The following OPTN variants were observed in gnomAD, a reference collection of about 807,000 sequenced individuals.
OPTN encodes the protein E3-14.7K-interacting protein.
OPTN carries 54 observed loss-of-function variants against 70.4 expected under a neutral mutation model. The ratio of observed to expected loss-of-function variants is 0.77; its 90% CI spans 0.62 to 0.96. The LOEUF is 0.96. Among genes scored for constraint, OPTN ranks in the 40% least tolerant of loss-of-function variants. The probability of loss-of-function intolerance (pLI) is 0.00; values close to 1 mark genes in which losing one functional copy is unlikely to be tolerated. For missense variants in OPTN, 624 were observed against 673.2 expected (o/e 0.93, Z 0.81); for synonymous variants, 256 against 248.5 (o/e 1.03, Z -0.28).
chr10:13,133,224 C>T (rs1337851623), intron 13 of OPTN, among the ~76,000 whole-genome samples: 1 of 152,108 alleles, frequency 6.6e-6, no homozygotes, highest in African/African-American at 2.4e-5. Flanking sequence ...TATTATACTT[C>T]ATTGCTGTAT....
intron 2 of OPTN, 156 bp from the exon 3 acceptor site, chr10:13,108,956 T>C: frequency 1.3e-6 from 1 of 749,294 alleles, no homozygotes; most frequent in Non-Finnish European, 2.4e-6. Context: ...CTTTTTTGTT[T>C]AAAAGGAAGA....
chr10:13,114,224 T>G (rs1833072627), intron 5 of OPTN, among the ~76,000 whole-genome samples: 1 of 152,168 alleles, frequency 6.6e-6, no homozygotes, highest in African/African-American at 2.4e-5. Flanking sequence ...GCTTTCTGAT[T>G]TATTTGCTGC....
At chr10:13,123,041 TC>T (rs1833385714) in intron 8 of OPTN, 1 of 161,896 alleles carries the variant, frequency 6.2e-6, no homozygotes, top group Non-Finnish European at 1.4e-5. Context: ...TGATTTCTTC[TC>T]CTCGGTCCTT....
In OPTN at chr10:13,112,497, G is replaced by T. The variant is rs1427120485; in HGVS notation, c.414G>T (p.Gln138His). The T allele has an allele frequency of 6.2e-7, 1 of 1,614,084 alleles. No homozygotes were observed. Residue 138 changes from glutamine (Q) to histidine (H), a missense_variant, in exon 5 of 15, where the codon CAG (glutamine) becomes CAT (histidine). Transcript: ENST00000378747. The stretch of plus-strand genomic sequence containing the variant: ...GGCTTCCCAGGGCCGAAGCGGAGCA[G>T]GAAAAGGACCAGCTCAGGACCCAGG... ...DSRLPRAEAE[Q>H]EKDQLRTQVV...
intron 11 of OPTN, 101 bp downstream of exon 11, chr10:13,126,140 T>C (rs1427531031): frequency 2.6e-6 from 2 of 760,522 alleles, no homozygotes. Flanking sequence ...CTAAATCTGG[T>C]TTCAAAGGTT....
At chr10:13,104,868 G>A (rs1415502593) in intron 1 of OPTN, 1 of 332,842 alleles carries the variant, frequency 3.0e-6, no homozygotes, top group Non-Finnish European at 5.6e-6. Context: ...GCATGGGGGT[G>A]ACCAGGGGCC....
chr10:13,136,703 C>T, intron 14 of OPTN, 42 bp from the exon 15 acceptor site: 1 of 1,613,126 alleles, frequency 6.2e-7, no homozygotes, highest in Middle Eastern at 1.7e-4. Flanking sequence ...AACACAACTG[C>T]CTGCAAAATG....
At chr10:13,108,650 C>T (rs1369430243) in intron 2 of OPTN, among the ~76,000 whole-genome samples, 1 of 151,802 alleles carries the variant, frequency 6.6e-6, no homozygotes, top group Non-Finnish European at 1.5e-5. Flanking sequence ...GGGTTCACGC[C>T]ATTCTCCTGC....
At position 13,125,573 on chromosome 10, in the gene OPTN, T is replaced by C; in HGVS notation, c.1148+6T>C. 6.2e-7 allele frequency: 1 copy of C among 1,613,618 alleles called. No individual in the cohort carries two copies. Among genetic ancestry groups the C allele is most frequent in the South Asian group, 1.1e-5 (1 of 91,032 alleles). On this transcript the variant is annotated splice_donor_region_variant and intron_variant, in intron 10 of 14. Coordinates refer to ENST00000378747, the MANE Select transcript of OPTN (RefSeq NM_001008212.2). The stretch of plus-strand genomic sequence containing the variant: ...GCTAAAACAGAGGATGAAAAGTGAG[T>C]ATGTTGAGTCAGAAGGGCAGCGACG...
intron 7 of OPTN, among the ~76,000 whole-genome samples, chr10:13,121,240 A>G (rs1833341852): frequency 2.0e-5 from 3 of 152,146 alleles, no homozygotes; most frequent in Non-Finnish European, 2.9e-5. Flanking sequence ...ATTGCACTCG[A>G]GAGATAGTGC....
intron 4 of OPTN, 39 bp downstream of exon 4, chr10:13,110,515 T>C (rs79529484): frequency 1.3e-6 from 2 of 1,578,398 alleles, no homozygotes; most frequent in Non-Finnish European, 1.7e-6. Flanking sequence ...TTTTTTTTTT[T>C]TCCCTTGACA....
chr10:13,125,493 C>A lies in OPTN; in HGVS notation c.1074C>A (p.Asn358Lys). 1.2e-6 allele frequency: 2 copies of A among 1,613,958 alleles called. No homozygotes were observed. The highest frequency in any genetic ancestry group is 1.7e-6 in the Non-Finnish European group (2 of 1,179,956). The change falls in exon 10 of 15, where the codon AAC becomes AAA. Residue 358 changes from asparagine to lysine, a missense_variant. By Grantham distance (94) the Asn-to-Lys change is moderately conservative. Coordinates refer to ENST00000378747, the MANE Select transcript of OPTN (RefSeq NM_001008212.2). The stretch of plus-strand genomic sequence containing the variant: ...AAAAGCAAGAGCTTGTTTATACTAA[C>A]AAAAAGTTAGAGCTACAAGTGGAAA... The part of the protein sequence containing the change: ...LNEKQELVYT[N>K]KKLELQVESM...
At chr10:13,100,087 G>C (rs3814657), upstream of OPTN, 4 of 152,032 alleles carry the variant, frequency 2.6e-5, no homozygotes, top group Non-Finnish European at 5.9e-5. Context: ...TCCCCGGCGC[G>C]GGCAGGGAGC....
In OPTN at chr10:13,137,831, C is replaced by T. The variant is rs1230231480; in HGVS notation, c.*965C>T. 3 of 227,566 alleles carry T rather than the reference C, an allele frequency of 1.3e-5. No individual in the cohort carries two copies. The highest frequency in any genetic ancestry group is 1.3e-4 in the East Asian group (2 of 15,752). 14.1% of individuals were successfully genotyped at this position (227,566 alleles called of 1,614,324 possible). A position where few individuals can be genotyped will look rare whatever the true frequency, so the allele number is the denominator to read the frequency against. ...ATTCACAGTGTAAAGAAGTTACCTT[C>T]ATGCTTTCATTGTACCTGCAGGCCT... On this transcript the variant is annotated 3_prime_UTR_variant, in exon 15 of 15. Transcript: ENST00000378747.
intron 3 of OPTN, among the ~76,000 whole-genome samples, chr10:13,109,907 T>C (rs1832958853): frequency 1.1e-5 from 1 of 89,630 alleles, no homozygotes; most frequent in Non-Finnish European, 2.2e-5. Flanking sequence ...TATATTACCT[T>C]ATTAAGAGAA....
intron 1 of OPTN, among the ~76,000 whole-genome samples, chr10:13,107,015 C>T (rs1298584230): frequency 6.6e-6 from 1 of 152,136 alleles, no homozygotes; most frequent in East Asian, 1.9e-4. Flanking sequence ...TGGCTTTCTG[C>T]CTGATCACAG....
rs12415716 is a variant in OPTN, at chr10:13,138,287, T to G, written c.*1421T>G. 0.23 allele frequency: 41,523 copies of G among 178,626 alleles called. 5,391 individuals are homozygous for G. The highest frequency in any genetic ancestry group is 0.39 in the Middle Eastern group (183 of 468). 11.1% of individuals were successfully genotyped at this position (178,626 alleles called of 1,614,324 possible). A position where few individuals can be genotyped will look rare whatever the true frequency, so the allele number is the denominator to read the frequency against. ...GATACTAAAGCATTTAAGAAAAAATTAAAAGATCTCTTTTGTTTAAATTTG... is the reference window on the plus strand; with the variant it reads ...GATACTAAAGCATTTAAGAAAAAATGAAAAGATCTCTTTTGTTTAAATTTG... On this transcript the variant is annotated 3_prime_UTR_variant, in exon 15 of 15. Transcript: ENST00000378747.
chr10:13,105,958 GAA>G (rs1230368038), intron 1 of OPTN, among the ~76,000 whole-genome samples: 3 of 150,038 alleles, frequency 2.0e-5, no homozygotes, highest in Non-Finnish European at 4.4e-5. Context: ...AGTTTTCAAA[GAA>G]ACGTCTCTCT....
chr10:13,116,389 C>T (rs373568349), intron 6 of OPTN, 49 bp downstream of exon 6: 41 of 1,329,090 alleles, frequency 3.1e-5, no homozygotes, highest in Admixed American at 1.0e-4. Flanking sequence ...TGGGCAGGCT[C>T]GTCACTGGGT....
Sources: gnomAD v4.1 joint callset for allele counts (sites outside exome capture counted in the v4.1 genomes callset) on GRCh38, gnomAD v4.1.1 for gene constraint, MANE v1.5 for transcripts, NCBI Gene and HGNC (gene_info 2026-07-23, HGNC 2026-07-21) for gene names.